STPG2: variants seen among roughly 807,000 people sequenced by gnomAD.
STPG2 encodes sperm-tail PG-rich repeat-containing protein 2.
Under a neutral mutation model 54.2 loss-of-function variants are expected in STPG2, and 56 were observed. The observed-to-expected ratio is 1.03, with a 90% CI of 0.83 to 1.29. The LOEUF (loss-of-function observed/expected upper bound fraction) is 1.29, where lower values mean the gene tolerates loss of function less well. Among genes scored for constraint, STPG2 ranks in the 50% most tolerant of loss-of-function variants. The pLI is 0.00. For missense variants in STPG2, 596 were observed against 544.9 expected (o/e 1.09, Z -0.93); for synonymous variants, 200 against 181.8 (o/e 1.10, Z -0.81).
At chr4:97,677,682 A>G (rs1409411817) in intron 10 of STPG2, among the ~76,000 whole-genome samples, 1 of 152,222 alleles carries the variant, frequency 6.6e-6, no homozygotes, top group Non-Finnish European at 1.5e-5. Flanking sequence ...CTCCTGGCAT[A>G]TAGAACTTAG....
At chr4:97,686,903 CATTTT>C (rs1175170721) in intron 10 of STPG2, among the ~76,000 whole-genome samples, 3 of 151,006 alleles carry the variant, frequency 2.0e-5, no homozygotes, top group African/African-American at 7.3e-5. Flanking sequence ...ACATAGCTAA[CATTTT>C]ATTTTATTTT....
intron 8 of STPG2, among the ~76,000 whole-genome samples, chr4:97,889,201 G>A (rs1212309598): frequency 6.6e-6 from 1 of 152,172 alleles, no homozygotes; most frequent in Non-Finnish European, 1.5e-5. Flanking sequence ...ACAGAGAAAA[G>A]GGAAACCTAG....
At chr4:97,972,812 G>T (rs1328802713) in intron 6 of STPG2, among the ~76,000 whole-genome samples, 1 of 152,106 alleles carries the variant, frequency 6.6e-6, no homozygotes, top group East Asian at 1.9e-4. Flanking sequence ...TTAAAAATAG[G>T]AGTTTCCCTG....
At chr4:97,588,218 A>C (rs1259096218) in intron 10 of STPG2, among the ~76,000 whole-genome samples, 1 of 152,054 alleles carries the variant, frequency 6.6e-6, no homozygotes, top group Non-Finnish European at 1.5e-5. Context: ...CTCTAGAGAA[A>C]TAAATCAGAA....
intron 9 of STPG2, among the ~76,000 whole-genome samples, chr4:97,804,002 C>T (rs570113395): frequency 1.6e-4 from 25 of 152,234 alleles, no homozygotes; most frequent in East Asian, 3.9e-4. Context: ...GACAACTATG[C>T]GCCACAGAAG....
Position 98,105,986 on chromosome 4 carries a change from T to C in STPG2, c.579A>G (p.Leu193=), listed in dbSNP as rs2865979. 0.38 allele frequency: 558,012 copies of C among 1,485,160 alleles called. 114,001 individuals are homozygous for C. The highest frequency in any genetic ancestry group is 0.44 in the African/African-American group (31,845 of 71,932). The allele number at this position is 1,485,160 out of a possible 1,614,324, so 92.0% of individuals were successfully genotyped here. The change falls in exon 5 of 11, where the codon CTA becomes CTG. Residue 193 remains leucine, a synonymous_variant. Coordinates refer to ENST00000295268, the MANE Select transcript of STPG2 (RefSeq NM_174952.3). ...QQNYCSFIPR[L]YEIIVLQEKK... ...TCTCCTGCAATACTATTATTTCATATAGTCGTGGGATAAATGAACAATAAT... is the reference window on the plus strand; with the variant it reads ...TCTCCTGCAATACTATTATTTCATACAGTCGTGGGATAAATGAACAATAAT...
At chr4:98,086,666 G>GAAAAAAAAAAAAAAAA (rs35225418) in intron 5 of STPG2, among the ~76,000 whole-genome samples, 1 of 94,926 alleles carries the variant, frequency 1.1e-5, no homozygotes, top group Non-Finnish European at 2.0e-5. Context: ...ATGCATGCCA[G>GAAAAAAAAAAAAAAAA]AAAAAAAAAA....
intron 9 of STPG2, among the ~76,000 whole-genome samples, chr4:97,722,964 A>ATTTTTTTTTTTTTTTTTTTTTTTTTT (rs3974903): frequency 8.6e-6 from 1 of 116,366 alleles, no homozygotes. Context: ...CACCCGGCTA[A>ATTTTTTTTTTTTTTTTTTTTTTTTTT]TTTTTTTTTT....
intron 9 of STPG2, among the ~76,000 whole-genome samples, chr4:97,829,926 T>C (rs186266305): frequency 2.5e-4 from 38 of 152,018 alleles, no homozygotes; most frequent in African/African-American, 8.2e-4. Context: ...ATGGGGAGAA[T>C]AGAACCAAGT....
At chr4:97,591,779 T>C (rs1733152623) in intron 10 of STPG2, among the ~76,000 whole-genome samples, 1 of 152,190 alleles carries the variant, frequency 6.6e-6, no homozygotes, top group Admixed American at 6.5e-5. Flanking sequence ...GTGAATGTCA[T>C]CAGTCAGGAT....
intron 6 of STPG2, among the ~76,000 whole-genome samples, chr4:97,975,390 C>T (rs960342555): frequency 6.6e-6 from 1 of 152,010 alleles, no homozygotes; most frequent in South Asian, 2.1e-4. Context: ...TTAATATATC[C>T]TATCATTTGA....
At chr4:97,859,884 C>T (rs1469331227) in intron 8 of STPG2, among the ~76,000 whole-genome samples, 1 of 152,202 alleles carries the variant, frequency 6.6e-6, no homozygotes, top group African/African-American at 2.4e-5. Context: ...TTTGATCCAT[C>T]TTGACTTTAT....
chr4:97,953,766 TGAGG>T (rs1733560748), intron 7 of STPG2, among the ~76,000 whole-genome samples: 1 of 152,234 alleles, frequency 6.6e-6, no homozygotes, highest in African/African-American at 2.4e-5. Flanking sequence ...TTTCACACTC[TGAGG>T]AAGAAGTTTT....
chr4:97,769,826 A>G (rs1726168379), intron 9 of STPG2, among the ~76,000 whole-genome samples: 1 of 152,160 alleles, frequency 6.6e-6, no homozygotes, highest in Admixed American at 6.5e-5. Flanking sequence ...CCATTTTAGG[A>G]TATGGAAATG....
downstream of STPG2, among the ~76,000 whole-genome samples, chr4:97,555,305 A>G (rs1373809447): frequency 2.6e-5 from 4 of 152,216 alleles, no homozygotes; most frequent in East Asian, 7.8e-4. Flanking sequence ...TATACATGTA[A>G]TTCAACCATT....
chr4:98,130,977 T>G (rs956224792), intron 2 of STPG2, among the ~76,000 whole-genome samples: 59 of 143,598 alleles, frequency 4.1e-4, no homozygotes, highest in Non-Finnish European at 6.8e-4. Flanking sequence ...AGCCCCTACC[T>G]CCAGTCTCTA....
intron 9 of STPG2, among the ~76,000 whole-genome samples, chr4:97,757,039 A>G (rs1289484079): frequency 1.3e-5 from 2 of 152,148 alleles, no homozygotes; most frequent in African/African-American, 2.4e-5. Context: ...AAGGCACTCT[A>G]TCATTTAAAG....
chr4:97,900,868 T>G (rs1731150685), intron 8 of STPG2, among the ~76,000 whole-genome samples: 1 of 151,860 alleles, frequency 6.6e-6, no homozygotes, highest in Admixed American at 6.6e-5. Flanking sequence ...ACAACAAACC[T>G]CTGTGACACA....
chr4:97,947,522 A>G (rs1253122778), intron 7 of STPG2, among the ~76,000 whole-genome samples: 4 of 152,088 alleles, frequency 2.6e-5, no homozygotes, highest in South Asian at 2.1e-4. Context: ...TCCTCATTCA[A>G]TATAATGTTG....
Sources: gnomAD v4.1 joint callset for allele counts (sites outside exome capture counted in the v4.1 genomes callset) on GRCh38, gnomAD v4.1.1 for gene constraint, MANE v1.5 for transcripts, NCBI Gene and HGNC (gene_info 2026-07-23, HGNC 2026-07-21) for gene names.